The following NHEJ1 variants were observed in gnomAD, a reference collection of about 807,000 sequenced individuals.
NHEJ1 encodes non-homologous end-joining factor 1.
In NHEJ1, 22 loss-of-function variants were observed where a neutral mutation model predicts 39.4. The ratio of observed to expected loss-of-function variants is 0.56; its 90% CI spans 0.40 to 0.80. The LOEUF is 0.80. Ranked by LOEUF, NHEJ1 falls within the 30% of genes least tolerant of loss-of-function variation. The probability of loss-of-function intolerance (pLI) is 0.00; values close to 1 mark genes in which losing one functional copy is unlikely to be tolerated. For missense variants in NHEJ1, 329 were observed against 357.1 expected, an observed-to-expected ratio of 0.92 and a Z score of 0.63; for synonymous variants, 154 against 135.6, an observed-to-expected ratio of 1.14 and a Z score of -0.94.
chr2:219,159,266 G>A (rs1949887345), intron 1 of NHEJ1: 1 of 152,068 alleles, frequency 6.6e-6, no homozygotes, highest in Non-Finnish European at 1.5e-5. Context: ...AGCAGCTAAA[G>A]TAGTAGGCTT....
At position 219,100,233 on chromosome 2, in the gene NHEJ1, G is replaced by A. The variant is rs138442282; in HGVS notation, c.589-22027C>T. On this transcript the variant is annotated intron_variant, in intron 5 of 7. Transcript: ENST00000356853. ...TCAACAGCTTTAATATGAGGAAGTC[G>A]ACCAAACAGATACAAATCTATCAGG... Among the ~76,000 whole-genome samples, 1,107 of 152,146 alleles carry A rather than the reference G, an allele frequency of 7.3e-3. 11 individuals carry two copies. Among genetic ancestry groups the A allele is most frequent in the South Asian group, 0.014 (68 of 4,820 alleles).
At position 219,077,276 on chromosome 2, in the gene NHEJ1, T is replaced by C. The variant is rs1438688940; in HGVS notation, c.795A>G (p.Pro265=). 1 of 1,614,030 alleles carries C rather than the reference T, an allele frequency of 6.2e-7. No homozygotes were observed. Among genetic ancestry groups the C allele is most frequent in the East Asian group, 2.2e-5 (1 of 44,882 alleles). ...NQPEQLVSSA[P]TLSAPEKEST... is the part of the protein sequence containing the mutation. ...ACTCTTTCTCAGGTGCTGAGAGGGT[T>C]GGGGCTGAGGAGACCAGTTGTTCTG... The change falls in exon 7 of 8, where the codon CCA becomes CCG. Residue 265 remains proline, a synonymous_variant. Coordinates refer to ENST00000356853, the MANE Select transcript of NHEJ1 (RefSeq NM_024782.3).
At chr2:219,121,055 G>C (rs1389177992) in intron 5 of NHEJ1, among the ~76,000 whole-genome samples, 1 of 152,042 alleles carries the variant, frequency 6.6e-6, no homozygotes, top group Non-Finnish European at 1.5e-5. Context: ...AATTAGCCAG[G>C]CATGGTGGTG....
chr2:219,126,933 G>A (rs1312663313), intron 5 of NHEJ1, among the ~76,000 whole-genome samples: 1 of 152,228 alleles, frequency 6.6e-6, no homozygotes, highest in East Asian at 1.9e-4. Context: ...GTTCACTGTG[G>A]CAGAAGTGTA....
intron 3 of NHEJ1, among the ~76,000 whole-genome samples, chr2:219,155,822 CGCT>C (rs1473749400): frequency 6.6e-6 from 1 of 150,852 alleles, no homozygotes; most frequent in East Asian, 1.9e-4. Context: ...CTACGGGGGG[CGCT>C]GAGGCAGGAG....
At chr2:219,108,202 T>C (rs1358752613) in intron 5 of NHEJ1, among the ~76,000 whole-genome samples, 1 of 152,214 alleles carries the variant, frequency 6.6e-6, no homozygotes, top group African/African-American at 2.4e-5. Flanking sequence ...CTGTATTATA[T>C]GCCTTGTGAA....
At chr2:219,110,847 T>C (rs927915498) in intron 5 of NHEJ1, among the ~76,000 whole-genome samples, 1 of 152,146 alleles carries the variant, frequency 6.6e-6, no homozygotes, top group African/African-American at 2.4e-5. Flanking sequence ...GGAGTCCATA[T>C]GCTACTGTTC....
At chr2:219,122,490 C>T (rs968406197) in intron 5 of NHEJ1, among the ~76,000 whole-genome samples, 1 of 152,176 alleles carries the variant, frequency 6.6e-6, no homozygotes, top group Non-Finnish European at 1.5e-5. Flanking sequence ...CCCCATAGTA[C>T]TGGTACAAGA....
At chr2:219,087,681 C>T (rs1031823070) in intron 5 of NHEJ1, among the ~76,000 whole-genome samples, 1 of 152,078 alleles carries the variant, frequency 6.6e-6, no homozygotes, top group Non-Finnish European at 1.5e-5. Context: ...GCCACACACA[C>T]TCAAAATAAG....
chr2:219,122,263 C>T (rs1381085230), intron 5 of NHEJ1, among the ~76,000 whole-genome samples: 1 of 152,200 alleles, frequency 6.6e-6, no homozygotes, highest in East Asian at 1.9e-4. Flanking sequence ...CCCTGGGGAT[C>T]TTTCACTAAT....
intron 5 of NHEJ1, among the ~76,000 whole-genome samples, chr2:219,140,583 G>A (rs1949681058): frequency 6.6e-6 from 1 of 152,168 alleles, no homozygotes; most frequent in Admixed American, 6.5e-5. Flanking sequence ...ACAGCAGTCA[G>A]GATGACTCCA....
intron 5 of NHEJ1, among the ~76,000 whole-genome samples, chr2:219,136,605 A>C (rs1022430895): frequency 6.9e-6 from 1 of 144,312 alleles, no homozygotes; most frequent in Non-Finnish European, 1.5e-5. Flanking sequence ...TGGTTTCTTT[A>C]TTTGTTTGTT....
chr2:219,109,534 C>T (rs2106338408), intron 5 of NHEJ1, among the ~76,000 whole-genome samples: 2 of 152,284 alleles, frequency 1.3e-5, no homozygotes, highest in South Asian at 4.1e-4. Flanking sequence ...CCCCCTAAAG[C>T]CACAGAGCTG....
intron 5 of NHEJ1, among the ~76,000 whole-genome samples, chr2:219,092,292 T>TAAAA (rs1395393453): frequency 7.3e-6 from 1 of 137,552 alleles, no homozygotes; most frequent in Admixed American, 7.0e-5. Context: ...AGACACTGCC[T>TAAAA]CAAAAAAAAA....
In NHEJ1 at chr2:219,093,635, C is replaced by G. The variant is rs12622239; in HGVS notation, c.589-15429G>C. Among the ~76,000 whole-genome samples the G allele has an allele frequency of 5.2e-4, 79 of 152,092 alleles. No homozygotes were observed. The East Asian group carries it at 0.011, about 20-fold the overall frequency. ...GCTGCTCTTCCCACTGTTTTTAATACCACTAAGGGCAAACAGGAAAGGAGA... is the reference window on the plus strand; with the variant it reads ...GCTGCTCTTCCCACTGTTTTTAATAGCACTAAGGGCAAACAGGAAAGGAGA... On this transcript the variant is annotated intron_variant, in intron 5 of 7. Coordinates refer to ENST00000356853, the MANE Select transcript of NHEJ1 (RefSeq NM_024782.3).
At chr2:219,089,713 T>C (rs1270970246) in intron 5 of NHEJ1, among the ~76,000 whole-genome samples, 3 of 152,252 alleles carry the variant, frequency 2.0e-5, no homozygotes, top group Non-Finnish European at 4.4e-5. Context: ...GTATATACTT[T>C]TGGTATATAC....
At chr2:219,081,991 T>G (rs1268283725) in intron 5 of NHEJ1, among the ~76,000 whole-genome samples, 1 of 152,240 alleles carries the variant, frequency 6.6e-6, no homozygotes, top group East Asian at 1.9e-4. Context: ...CATGGGAATT[T>G]CTTTTTGTTT....
At chr2:219,102,960 C>T (rs1392505075) in intron 5 of NHEJ1, among the ~76,000 whole-genome samples, 1 of 136,064 alleles carries the variant, frequency 7.3e-6, no homozygotes, top group Admixed American at 7.2e-5. Context: ...AGCCGAGATC[C>T]CGCCACTGCA....
At chr2:219,136,684 C>A (rs1949633130) in intron 5 of NHEJ1, among the ~76,000 whole-genome samples, 1 of 152,114 alleles carries the variant, frequency 6.6e-6, no homozygotes, top group African/African-American at 2.4e-5. Context: ...CTCACTGCAA[C>A]CTCTGCCTCC....
Sources: gnomAD v4.1 joint callset for allele counts (sites outside exome capture counted in the v4.1 genomes callset) on GRCh38, gnomAD v4.1.1 for gene constraint, MANE v1.5 for transcripts, NCBI Gene and HGNC (gene_info 2026-07-23, HGNC 2026-07-21) for gene names.